Variants in IMMP2L observed in about 807,000 individuals in gnomAD.
IMMP2L encodes inner mitochondrial membrane peptidase subunit 2.
IMMP2L carries 18 observed loss-of-function variants against 19.3 expected under a neutral mutation model. The observed-to-expected ratio is 0.93, with a 90% CI of 0.64 to 1.38. The LOEUF (loss-of-function observed/expected upper bound fraction) is 1.38. Among genes scored for constraint, IMMP2L ranks in the 40% most tolerant of loss-of-function variants. IMMP2L has a pLI of 0.00. For synonymous variants in IMMP2L, 76 were observed against 73.0 expected (o/e 1.04, Z -0.21); for missense variants, 233 against 218.2 (o/e 1.07, Z -0.43).
At chr7:111,502,331 T>A (rs1349180734) in intron 2 of IMMP2L, among the ~76,000 whole-genome samples, 1 of 152,072 alleles carries the variant, frequency 6.6e-6, no homozygotes, top group African/African-American at 2.4e-5. Flanking sequence ...AAGTCCTTAG[T>A]GACCTACAAA....
chr7:111,376,808 T>C (rs950406630), intron 3 of IMMP2L, among the ~76,000 whole-genome samples: 1 of 152,062 alleles, frequency 6.6e-6, no homozygotes, highest in Non-Finnish European at 1.5e-5. Flanking sequence ...GAACCACATA[T>C]CATGTAATTC....
intron 3 of IMMP2L, among the ~76,000 whole-genome samples, chr7:111,024,886 T>A (rs1826659737): frequency 6.6e-6 from 1 of 152,178 alleles, no homozygotes; most frequent in Non-Finnish European, 1.5e-5. Context: ...ATCAGACATT[T>A]TCAGGGTTTA....
chr7:110,701,823 C>T (rs1456241022), intron 5 of IMMP2L, among the ~76,000 whole-genome samples: 1 of 152,186 alleles, frequency 6.6e-6, no homozygotes, highest in Non-Finnish European at 1.5e-5. Context: ...AGGATTTAAA[C>T]TCAGGCTGCT....
At chr7:111,048,427 G>A (rs1276517877) in intron 3 of IMMP2L, among the ~76,000 whole-genome samples, 1 of 152,070 alleles carries the variant, frequency 6.6e-6, no homozygotes, top group African/African-American at 2.4e-5. Context: ...TTCTGGAACT[G>A]ATTCAAATAC....
At chr7:110,961,047 A>G (rs1183849565) in intron 4 of IMMP2L, among the ~76,000 whole-genome samples, 1 of 151,960 alleles carries the variant, frequency 6.6e-6, no homozygotes, top group Non-Finnish European at 1.5e-5. Context: ...AGTGCTGGCA[A>G]GGATGCAAAA....
chr7:110,739,013 A>T (rs1292815412), intron 5 of IMMP2L, among the ~76,000 whole-genome samples: 2 of 152,236 alleles, frequency 1.3e-5, no homozygotes, highest in Admixed American at 1.3e-4. Flanking sequence ...ATAAATGCTG[A>T]GAGAATTCGC....
At chr7:111,461,630 T>C (rs1351593795) in intron 3 of IMMP2L, among the ~76,000 whole-genome samples, 1 of 152,048 alleles carries the variant, frequency 6.6e-6, no homozygotes, top group Non-Finnish European at 1.5e-5. Context: ...ATTTTTCCTA[T>C]TGAGATATGT....
At chr7:110,868,556 AC>A (rs1317971033) in intron 5 of IMMP2L, among the ~76,000 whole-genome samples, 3 of 152,046 alleles carry the variant, frequency 2.0e-5, no homozygotes, top group African/African-American at 7.2e-5. Flanking sequence ...CATTCATTAA[AC>A]TTTTGAGTGT....
intron 3 of IMMP2L, among the ~76,000 whole-genome samples, chr7:111,220,775 T>C (rs1812429433): frequency 6.6e-6 from 1 of 152,032 alleles, no homozygotes; most frequent in Non-Finnish European, 1.5e-5. Context: ...TGATGTAGTC[T>C]GAAGACCTGA....
intron 5 of IMMP2L, among the ~76,000 whole-genome samples, chr7:110,840,682 A>C (rs1804983062): frequency 6.6e-6 from 1 of 152,168 alleles, no homozygotes; most frequent in African/African-American, 2.4e-5. Flanking sequence ...TAGAATATCT[A>C]CCTTCCTATA....
Position 111,243,517 on chromosome 7 carries a change from T to TA in IMMP2L, c.239+243720_239+243721insT, listed in dbSNP as rs932624983. ...ACTCTATATTTCTTGTTGCTTTATT[T>TA]TTTTTTTTTTTATTATACTCTAAGT... is the stretch of plus-strand genomic sequence containing the variant. On this transcript the variant is annotated intron_variant, in intron 3 of 5. Coordinates refer to ENST00000405709, the MANE Select transcript of IMMP2L (RefSeq NM_032549.4). 5.2e-4 allele frequency among the ~76,000 whole-genome samples: 77 copies of TA among 147,580 alleles called. 1 individual carries two copies. The highest frequency in any genetic ancestry group is 3.4e-3 in the Middle Eastern group (1 of 294).
intron 5 of IMMP2L, among the ~76,000 whole-genome samples, chr7:110,681,317 G>A (rs943707531): frequency 6.6e-6 from 1 of 152,070 alleles, no homozygotes; most frequent in Non-Finnish European, 1.5e-5. Context: ...CCTAGAAATT[G>A]TAATTTTGTT....
At chr7:110,730,008 T>TA (rs1705638128) in intron 5 of IMMP2L, among the ~76,000 whole-genome samples, 1 of 152,034 alleles carries the variant, frequency 6.6e-6, no homozygotes, top group Non-Finnish European at 1.5e-5. Flanking sequence ...TATTGAACAT[T>TA]ATGAGGTAAA....
At chr7:111,537,623 C>T (rs183028602) in intron 1 of IMMP2L, among the ~76,000 whole-genome samples, 1 of 150,184 alleles carries the variant, frequency 6.7e-6, no homozygotes, top group Admixed American at 6.7e-5. Context: ...GCAACCTCTG[C>T]CTCCCAGGCA....
chr7:111,129,808 A>G (rs974249536), intron 3 of IMMP2L, among the ~76,000 whole-genome samples: 6 of 152,186 alleles, frequency 3.9e-5, no homozygotes, highest in African/African-American at 1.4e-4. Context: ...AAATGAAAAT[A>G]TTATTTTTAC....
chr7:110,882,511 G>A (rs1354552811), intron 5 of IMMP2L, among the ~76,000 whole-genome samples: 2 of 151,994 alleles, frequency 1.3e-5, no homozygotes, highest in African/African-American at 2.4e-5. Flanking sequence ...CTCCCGAGTA[G>A]CTGAGATTAC....
chr7:111,197,007 C>T (rs184644877), intron 3 of IMMP2L, among the ~76,000 whole-genome samples: 24 of 152,250 alleles, frequency 1.6e-4, no homozygotes, highest in Non-Finnish European at 3.1e-4. Context: ...TGAAGTTTCC[C>T]TAAACTTCCA....
Position 111,173,729 on chromosome 7 carries a change from T to C in IMMP2L, c.240-210164A>G, listed in dbSNP as rs4141319. Among the ~76,000 whole-genome samples, 2 of 151,616 alleles carry C rather than the reference T, an allele frequency of 1.3e-5. 1 individual carries two copies. The highest frequency in any genetic ancestry group is 4.8e-5 in the African/African-American group (2 of 41,360). ...CTTCCTCCTGGGGTGTTTCTTATAT[T>C]ATCAGAAAAACACACTAGGGCTAAT... On this transcript the variant is annotated intron_variant, in intron 3 of 5. Coordinates refer to ENST00000405709, the MANE Select transcript of IMMP2L (RefSeq NM_032549.4).
chr7:110,953,775 C>G (rs957912878), intron 4 of IMMP2L, among the ~76,000 whole-genome samples: 2 of 152,090 alleles, frequency 1.3e-5, no homozygotes, highest in Non-Finnish European at 2.9e-5. Flanking sequence ...CTAATTTACA[C>G]TCCCACCAAC....
Sources: gnomAD v4.1 joint callset for allele counts (sites outside exome capture counted in the v4.1 genomes callset) on GRCh38, gnomAD v4.1.1 for gene constraint, MANE v1.5 for transcripts, NCBI Gene and HGNC (gene_info 2026-07-23, HGNC 2026-07-21) for gene names.